The following LRRC36 variants were observed in gnomAD, a reference collection of about 807,000 sequenced individuals.
The protein encoded by LRRC36 is leucine-rich repeat-containing protein 36.
A neutral mutation model predicts 81.1 loss-of-function variants in LRRC36; 62 were observed. That is an observed-to-expected ratio of 0.76 (90% CI 0.62 to 0.94). The LOEUF (loss-of-function observed/expected upper bound fraction) is 0.94. Ranked by LOEUF, LRRC36 falls within the 40% of genes least tolerant of loss-of-function variation. LRRC36 has a pLI of 0.00. For missense variants in LRRC36, 761 were observed against 881.7 expected (o/e 0.86, Z 1.73); for synonymous variants, 334 against 348.6 (o/e 0.96, Z 0.47).
intron 1 of LRRC36, among the ~76,000 whole-genome samples, chr16:67,334,592 T>G (rs1426976050): frequency 6.6e-6 from 1 of 152,154 alleles, no homozygotes; most frequent in Non-Finnish European, 1.5e-5. Context: ...CCCAAAGTGC[T>G]GGGATTACAG....
chr16:67,369,905 G>A (rs1379529859), intron 8 of LRRC36, among the ~76,000 whole-genome samples: 1 of 152,104 alleles, frequency 6.6e-6, no homozygotes, highest in African/African-American at 2.4e-5. Context: ...ATTTGGGTGG[G>A]GACACAGCCA....
At position 67,346,299 on chromosome 16, in the gene LRRC36, A is replaced by G. The variant is rs147306022; in HGVS notation, c.242A>G (p.Tyr81Cys). The change falls in exon 3 of 14, where the codon TAT (tyrosine) becomes TGT (cysteine). Residue 81 changes from tyrosine (Y) to cysteine (C), a missense_variant. Physicochemically the swap from Tyr to Cys is radical, Grantham distance 194. Coordinates refer to ENST00000329956, the MANE Select transcript of LRRC36 (RefSeq NM_018296.6). ...LCSLQDLNLY[Y>C]NNIPSLVEVS... The stretch of plus-strand genomic sequence containing the variant: ...TCACTCCAAGACCTGAATTTATATT[A>G]TAACAACATTCCTTCATTAGTGGAA... The G allele has an allele frequency of 6.6e-5, 107 of 1,610,840 alleles. No individual in the cohort carries two copies. In the Middle Eastern group the frequency reaches 2.5e-3, roughly 37 times the overall value.
intron 8 of LRRC36, among the ~76,000 whole-genome samples, chr16:67,369,753 C>G (rs1214281234): frequency 6.6e-6 from 1 of 152,070 alleles, no homozygotes; most frequent in African/African-American, 2.4e-5. Flanking sequence ...AGGGGAACTC[C>G]CCTTTATAAA....
chr16:67,348,852 A>G (rs1387487818), intron 4 of LRRC36, among the ~76,000 whole-genome samples: 4 of 152,186 alleles, frequency 2.6e-5, no homozygotes. Context: ...ATGATGAATG[A>G]ATGAGGTCAG....
intron 13 of LRRC36, among the ~76,000 whole-genome samples, chr16:67,383,169 C>A (rs2142194061): frequency 6.6e-6 from 1 of 151,744 alleles, no homozygotes; most frequent in African/African-American, 2.4e-5. Context: ...TTAGAGAAGC[C>A]CTTGAGATTT....
At chr16:67,378,743 C>A (rs372735944) in intron 12 of LRRC36, 31 bp downstream of exon 12, 3 of 1,608,210 alleles carry the variant, frequency 1.9e-6, no homozygotes, top group Non-Finnish European at 8.5e-7. Context: ...ATATATGAGG[C>A]CTCTCAAGAC....
Position 67,326,901 on chromosome 16 carries a change from C to T in LRRC36, c.39C>T (p.Arg13=). The change falls in exon 1 of 14, where the codon CGC becomes CGT. Residue 13 remains arginine, a synonymous_variant. Transcript: ENST00000329956. ...EQWELDEEGI[R]RLGALTLEQP... is the part of the protein sequence containing the mutation. Reference sequence around the variant, plus strand: ...GGGAGCTGGACGAGGAAGGCATTCGCCGCCTGGGGGCGCTGACGCTGGAGC... The same window carrying T: ...GGGAGCTGGACGAGGAAGGCATTCGTCGCCTGGGGGCGCTGACGCTGGAGC... 6.8e-7 allele frequency: 1 copy of T among 1,474,966 alleles called. No homozygotes were observed. 91.4% of individuals were successfully genotyped at this position (1,474,966 alleles called of 1,614,324 possible). A position where few individuals can be genotyped will look rare whatever the true frequency, so the allele number is the denominator to read the frequency against.
In LRRC36 at chr16:67,342,020, C is replaced by A. The variant is rs1212649968; in HGVS notation, c.134C>A (p.Ala45Asp). The change falls in exon 2 of 14, where the codon GCC (alanine) becomes GAC (aspartate). Residue 45 changes from alanine (A) to aspartate (D), a missense_variant. By Grantham distance (126) the Ala-to-Asp change is moderately radical. Coordinates refer to ENST00000329956, the MANE Select transcript of LRRC36 (RefSeq NM_018296.6). ...YAGKIHSIGD[A>D]FRNFKNLRSL... ...GGCAAAATCCATTCCATTGGTGATGCCTTCAGAAATTTTAAAAATCTCCGA... is the reference window on the plus strand; with the variant it reads ...GGCAAAATCCATTCCATTGGTGATGACTTCAGAAATTTTAAAAATCTCCGA... 6.2e-7 allele frequency: 1 copy of A among 1,608,796 alleles called. No homozygotes were observed. The highest frequency in any genetic ancestry group is 8.5e-7 in the Non-Finnish European group (1 of 1,176,024).
intron 1 of LRRC36, among the ~76,000 whole-genome samples, chr16:67,336,024 A>G (rs2037746594): frequency 6.6e-6 from 1 of 152,128 alleles, no homozygotes; most frequent in Non-Finnish European, 1.5e-5. Flanking sequence ...GAGCCACCGC[A>G]CCCGGCCCAA....
At chr16:67,348,860 C>T (rs1175954125) in intron 4 of LRRC36, among the ~76,000 whole-genome samples, 1 of 152,176 alleles carries the variant, frequency 6.6e-6, no homozygotes, top group Non-Finnish European at 1.5e-5. Context: ...TGAATGAGGT[C>T]AGTGCCTATT....
intron 5 of LRRC36, among the ~76,000 whole-genome samples, chr16:67,358,164 C>A (rs2038983050): frequency 7.5e-6 from 1 of 133,236 alleles, no homozygotes; most frequent in African/African-American, 3.5e-5. Flanking sequence ...AGCAAGGCAT[C>A]AGTTTTTTTT....
At chr16:67,359,300 A>T (rs2039042910) in intron 5 of LRRC36, among the ~76,000 whole-genome samples, 1 of 152,274 alleles carries the variant, frequency 6.6e-6, no homozygotes, top group Non-Finnish European at 1.5e-5. Context: ...ATATTCAGGC[A>T]TTAAAAAGGA....
At chr16:67,380,638 CA>C (rs1481247393) in intron 12 of LRRC36, among the ~76,000 whole-genome samples, 7 of 152,184 alleles carry the variant, frequency 4.6e-5, no homozygotes, top group Non-Finnish European at 1.0e-4. Flanking sequence ...CTGATACTCA[CA>C]GGCCCGAATA....
rs375427308 is a variant in LRRC36, at chr16:67,343,745, A to G, written c.198+1661A>G. Among the ~76,000 whole-genome samples the G allele has an allele frequency of 2.7e-5, 4 of 149,392 alleles. No homozygotes were observed. The South Asian group carries it at 8.5e-4, about 32-fold the overall frequency. Reference sequence around the variant, plus strand: ...TGTAATCAAATAGAACATATATAAGACTCCTGGTACAGTGCTTGGCATATA... The same window carrying G: ...TGTAATCAAATAGAACATATATAAGGCTCCTGGTACAGTGCTTGGCATATA... On this transcript the variant is annotated intron_variant, in intron 2 of 13. Transcript: ENST00000329956.
chr16:67,385,189 A>C lies in LRRC36; in HGVS notation c.*100A>C. 1.2e-6 allele frequency: 1 copy of C among 828,634 alleles called. No individual in the cohort carries two copies. The highest frequency in any genetic ancestry group is 1.7e-5 in the South Asian group (1 of 60,286). The allele number at this position is 828,634 out of a possible 1,614,324, so 51.3% of individuals were successfully genotyped here. ...TATGTACTCACAAAGATTAAGAAAG[A>C]AATGTATTCTGATTAGATTGTATTG... On this transcript the variant is annotated 3_prime_UTR_variant, in exon 14 of 14. Transcript: ENST00000329956.
At chr16:67,369,584 A>T (rs954770691) in intron 8 of LRRC36, among the ~76,000 whole-genome samples, 11 of 152,222 alleles carry the variant, frequency 7.2e-5, no homozygotes, top group Non-Finnish European at 1.3e-4. Context: ...CTGTTCTCAC[A>T]CTGCTAATAA....
chr16:67,356,980 A>T (rs538950307), intron 5 of LRRC36, among the ~76,000 whole-genome samples: 28 of 152,280 alleles, frequency 1.8e-4, no homozygotes, highest in Admixed American at 1.7e-3. Flanking sequence ...AATAATAAGG[A>T]TCTCTTAGAG....
At chr16:67,360,474 A>C (rs536481513) in intron 5 of LRRC36, among the ~76,000 whole-genome samples, 1 of 152,342 alleles carries the variant, frequency 6.6e-6, no homozygotes, top group East Asian at 1.9e-4. Flanking sequence ...AGGAGCCCTG[A>C]ACCCAAAGTC....
chr16:67,375,589 T>A (rs1392698888), intron 10 of LRRC36, among the ~76,000 whole-genome samples, 177 bp downstream of exon 10: 11 of 152,258 alleles, frequency 7.2e-5, no homozygotes, highest in Admixed American at 7.2e-4. Flanking sequence ...TATTCTACAT[T>A]ATTTTTTAAA....
Sources: gnomAD v4.1 joint callset for allele counts (sites outside exome capture counted in the v4.1 genomes callset) on GRCh38, gnomAD v4.1.1 for gene constraint, MANE v1.5 for transcripts, NCBI Gene and HGNC (gene_info 2026-07-23, HGNC 2026-07-21) for gene names.